SPOCK1: variants seen among roughly 807,000 people sequenced by gnomAD.
SPOCK1 encodes SPARC (osteonectin), cwcv and kazal like domains proteoglycan 1.
SPOCK1 carries 23 observed loss-of-function variants against 55.3 expected under a neutral mutation model. The ratio of observed to expected loss-of-function variants is 0.42; its 90% confidence interval spans 0.30 to 0.59. The LOEUF is 0.59. Among genes scored for constraint, SPOCK1 ranks in the 20% least tolerant of loss-of-function variants. The probability of loss-of-function intolerance (pLI) is 0.22; values close to 1 mark genes in which losing one functional copy is unlikely to be tolerated. For synonymous variants in SPOCK1, 226 were observed against 221.0 expected (o/e 1.02, Z -0.20); for missense variants, 499 against 552.5 (o/e 0.90, Z 0.97).
chr5:137,288,434 C>T (rs1370054399), intron 2 of SPOCK1, among the ~76,000 whole-genome samples: 2 of 152,150 alleles, frequency 1.3e-5, no homozygotes, highest in Non-Finnish European at 2.9e-5. Context: ...ACAATGCTTC[C>T]CCTTCTAAAG....
At chr5:137,122,816 C>A (rs1352536461) in intron 4 of SPOCK1, among the ~76,000 whole-genome samples, 3 of 152,248 alleles carry the variant, frequency 2.0e-5, no homozygotes, top group African/African-American at 7.2e-5. Flanking sequence ...CTGTTCTAAT[C>A]TTGGAAAACA....
chr5:137,259,432 T>G (rs1355367781), intron 3 of SPOCK1, among the ~76,000 whole-genome samples: 1 of 152,056 alleles, frequency 6.6e-6, no homozygotes, highest in South Asian at 2.1e-4. Flanking sequence ...AAGTGGGAGT[T>G]GAACAATGAG....
chr5:137,061,364 G>A (rs1255447742), intron 6 of SPOCK1, among the ~76,000 whole-genome samples: 3 of 152,166 alleles, frequency 2.0e-5, no homozygotes, highest in Non-Finnish European at 4.4e-5. Context: ...AATGGAATTG[G>A]ACAACCGTCT....
At chr5:137,337,321 G>T (rs1750302992) in intron 2 of SPOCK1, among the ~76,000 whole-genome samples, 1 of 152,260 alleles carries the variant, frequency 6.6e-6, no homozygotes, top group African/African-American at 2.4e-5. Flanking sequence ...AAGTAGTTTT[G>T]TCTGCAAGGG....
chr5:137,409,395 A>G (rs111635296), intron 2 of SPOCK1, among the ~76,000 whole-genome samples: 3 of 152,288 alleles, frequency 2.0e-5, no homozygotes, highest in African/African-American at 7.2e-5. Context: ...GCCATGGGAT[A>G]AGGCTGAAGA....
At chr5:137,014,774 G>C (rs1331545817) in intron 6 of SPOCK1, among the ~76,000 whole-genome samples, 2 of 152,098 alleles carry the variant, frequency 1.3e-5, no homozygotes, top group Non-Finnish European at 2.9e-5. Flanking sequence ...TTCCTGAGAG[G>C]GTCAGAATAT....
intron 6 of SPOCK1, among the ~76,000 whole-genome samples, chr5:137,022,647 T>C (rs1751598465): frequency 6.6e-6 from 1 of 152,216 alleles, no homozygotes; most frequent in East Asian, 1.9e-4. Context: ...TCTGTGAGCT[T>C]CAATTTCCCT....
chr5:137,092,232 T>A (rs562278228), intron 5 of SPOCK1, among the ~76,000 whole-genome samples: 2 of 152,312 alleles, frequency 1.3e-5, no homozygotes, highest in South Asian at 4.1e-4. Context: ...ATCTTACAAA[T>A]ACAAAATTAA....
Position 137,333,548 on chromosome 5 carries a change from C to T in SPOCK1, c.187-66493G>A, listed in dbSNP as rs763035037. ...TCTGCTCTGGTCTTCCTGATAAGTC[C>T]GGGCCTGAGGATGTTTTGATAAAAA... On this transcript the variant is annotated intron_variant, in intron 2 of 10. Transcript: ENST00000394945. Among the ~76,000 whole-genome samples, 50 of 152,118 alleles carry T rather than the reference C, an allele frequency of 3.3e-4. 1 individual carries two copies. Among genetic ancestry groups the T allele is most frequent in the African/African-American group, 9.7e-5 (4 of 41,414 alleles).
intron 3 of SPOCK1, among the ~76,000 whole-genome samples, chr5:137,163,800 A>G (rs1754601980): frequency 6.6e-6 from 1 of 152,222 alleles, no homozygotes; most frequent in Admixed American, 6.5e-5. Flanking sequence ...CAGCTACTTC[A>G]GGACAACATG....
At chr5:137,126,079 G>T (rs1202198200) in intron 4 of SPOCK1, among the ~76,000 whole-genome samples, 2 of 152,208 alleles carry the variant, frequency 1.3e-5, no homozygotes, top group Non-Finnish European at 2.9e-5. Flanking sequence ...AAGCTGTTTG[G>T]GTCATGGAGC....
chr5:137,190,119 A>G (rs1245804216), intron 3 of SPOCK1, among the ~76,000 whole-genome samples: 4 of 152,120 alleles, frequency 2.6e-5, no homozygotes, highest in Non-Finnish European at 4.4e-5. Flanking sequence ...GGCTGTGAGC[A>G]TTGTTGAAAT....
intron 6 of SPOCK1, among the ~76,000 whole-genome samples, chr5:137,014,927 G>C (rs565456516): frequency 1.2e-4 from 18 of 152,324 alleles, no homozygotes; most frequent in Non-Finnish European, 2.5e-4. Context: ...AGGGTGAACA[G>C]ACAAAGGTCA....
At chr5:137,418,724 G>A (rs965120090) in intron 2 of SPOCK1, among the ~76,000 whole-genome samples, 3 of 152,004 alleles carry the variant, frequency 2.0e-5, no homozygotes, top group African/African-American at 7.2e-5. Flanking sequence ...TGAGCAGATT[G>A]CAAAAATTTT....
chr5:137,355,946 C>T (rs1156828959), intron 2 of SPOCK1, among the ~76,000 whole-genome samples: 8 of 152,212 alleles, frequency 5.3e-5, no homozygotes, highest in South Asian at 2.1e-4. Context: ...GAGGAGAACC[C>T]GCTCCTCCTG....
intron 3 of SPOCK1, among the ~76,000 whole-genome samples, chr5:137,193,881 C>T (rs185504752): frequency 1.8e-4 from 27 of 152,188 alleles, no homozygotes; most frequent in Non-Finnish European, 3.7e-4. Flanking sequence ...TACAGGGTGC[C>T]GGTAATTTAT....
chr5:137,109,034 C>T (rs1419109279), intron 5 of SPOCK1, among the ~76,000 whole-genome samples: 3 of 152,314 alleles, frequency 2.0e-5, no homozygotes, highest in South Asian at 4.2e-4. Context: ...TCAAGGTTCA[C>T]AGGGAGCTGG....
At chr5:137,368,498 G>C (rs1751124521) in intron 2 of SPOCK1, among the ~76,000 whole-genome samples, 1 of 152,292 alleles carries the variant, frequency 6.6e-6, no homozygotes, top group African/African-American at 2.4e-5. Flanking sequence ...CAGGTAGGGA[G>C]GAGGGCATAT....
intron 3 of SPOCK1, among the ~76,000 whole-genome samples, chr5:137,187,669 G>A (rs530435865): frequency 1.3e-5 from 2 of 152,260 alleles, no homozygotes; most frequent in South Asian, 2.1e-4. Context: ...ACAACGGTAC[G>A]CTCACTCTAG....
Sources: allele counts gnomAD v4.1 joint callset (sites outside exome capture counted in the v4.1 genomes callset), GRCh38; gene constraint gnomAD v4.1.1; transcripts MANE v1.5; gene names NCBI Gene and HGNC (gene_info 2026-07-23, HGNC 2026-07-21).